Variants in PDGFD observed in about 807,000 individuals in gnomAD.
PDGFD encodes platelet-derived growth factor D.
PDGFD carries 30 observed loss-of-function variants against 44.7 expected under a neutral mutation model. The ratio of observed to expected loss-of-function variants is 0.67; its 90% CI spans 0.50 to 0.91. The LOEUF (loss-of-function observed/expected upper bound fraction) is 0.91, where lower values mean the gene tolerates loss of function less well. Among genes scored for constraint, PDGFD ranks in the 40% least tolerant of loss-of-function variants. The pLI, the probability that PDGFD is intolerant of heterozygous loss-of-function variation, is 0.00. For missense variants in PDGFD, 445 were observed against 457.8 expected, an observed-to-expected ratio of 0.97 and a Z score of 0.25; for synonymous variants, 173 against 168.4, an observed-to-expected ratio of 1.03 and a Z score of -0.21.
chr11:104,121,807 T>A (rs1436749828), intron 1 of PDGFD, among the ~76,000 whole-genome samples: 1 of 152,172 alleles, frequency 6.6e-6, no homozygotes, highest in Admixed American at 6.6e-5. Context: ...CATAATCATT[T>A]CAAACTTATT....
At chr11:103,966,175 T>C (rs1250170078) in intron 3 of PDGFD, among the ~76,000 whole-genome samples, 4 of 152,190 alleles carry the variant, frequency 2.6e-5, no homozygotes, top group Non-Finnish European at 5.9e-5. Flanking sequence ...TGATTAGTTA[T>C]GGAGGACAGA....
intron 1 of PDGFD, among the ~76,000 whole-genome samples, chr11:104,023,055 C>A (rs1176481616): frequency 2.0e-5 from 3 of 152,078 alleles, no homozygotes; most frequent in African/African-American, 7.2e-5. Context: ...TGTGGTAGCT[C>A]ACTTAATAAA....
chr11:103,960,209 A>G lies in PDGFD; in HGVS notation c.511-12485T>C, dbSNP rs114473927. Among the ~76,000 whole-genome samples, 555 of 152,338 alleles carry G rather than the reference A, an allele frequency of 3.6e-3. 4 individuals are homozygous for G. Among genetic ancestry groups the G allele is most frequent in the African/African-American group, 0.013 (523 of 41,584 alleles). ...CAAAGGTATTTTTGGTGCCAAAAAA[A>G]GGATAAACTGCATTCCAGAGTGAAA... On this transcript the variant is annotated intron_variant, in intron 3 of 6. Coordinates refer to ENST00000393158, the MANE Select transcript of PDGFD (RefSeq NM_025208.5).
chr11:104,069,845 G>A (rs981162500), intron 1 of PDGFD, among the ~76,000 whole-genome samples: 7 of 152,018 alleles, frequency 4.6e-5, no homozygotes, highest in Non-Finnish European at 1.0e-4. Context: ...GGGTGACAGA[G>A]CGAGACTCCG....
At chr11:104,107,057 T>C (rs1308045653) in intron 1 of PDGFD, among the ~76,000 whole-genome samples, 1 of 152,142 alleles carries the variant, frequency 6.6e-6, no homozygotes, top group Non-Finnish European at 1.5e-5. Flanking sequence ...TGCCCTCTTC[T>C]GAATGTAGGC....
intron 1 of PDGFD, among the ~76,000 whole-genome samples, chr11:104,028,191 G>GAAAAAA (rs36060540): frequency 3.4e-5 from 4 of 116,140 alleles, no homozygotes; most frequent in African/African-American, 3.3e-5. Context: ...CTCCGTCAAA[G>GAAAAAA]AAAAAAAAAA....
At chr11:103,974,354 T>A (rs1353159928) in intron 3 of PDGFD, among the ~76,000 whole-genome samples, 1 of 152,136 alleles carries the variant, frequency 6.6e-6, no homozygotes, top group African/African-American at 2.4e-5. Context: ...CCATGTGCAG[T>A]CACCTCCTAT....
intron 3 of PDGFD, among the ~76,000 whole-genome samples, chr11:103,984,458 G>C (rs1337658504): frequency 1.3e-5 from 2 of 151,408 alleles, no homozygotes; most frequent in African/African-American, 2.4e-5. Context: ...TAACTAATGG[G>C]TACTAGGCTT....
At chr11:103,949,586 A>C (rs1036118588) in intron 3 of PDGFD, among the ~76,000 whole-genome samples, 1 of 152,250 alleles carries the variant, frequency 6.6e-6, no homozygotes, top group Admixed American at 6.5e-5. Flanking sequence ...CTCACATTAC[A>C]GAATTTTCAT....
At chr11:104,077,245 T>C (rs749565710) in intron 1 of PDGFD, among the ~76,000 whole-genome samples, 2 of 152,102 alleles carry the variant, frequency 1.3e-5, no homozygotes, top group Non-Finnish European at 2.9e-5. Flanking sequence ...AATACCTCTG[T>C]AGACGACATG....
At chr11:104,118,916 A>G (rs1441631909) in intron 1 of PDGFD, among the ~76,000 whole-genome samples, 8 of 88,358 alleles carry the variant, frequency 9.1e-5, no homozygotes, top group African/African-American at 2.7e-4. Context: ...TATATTATAT[A>G]CATAATATAT....
intron 1 of PDGFD, among the ~76,000 whole-genome samples, chr11:104,092,879 T>C (rs1307424732): frequency 6.6e-6 from 1 of 152,180 alleles, no homozygotes; most frequent in Non-Finnish European, 1.5e-5. Flanking sequence ...CTCATATTTT[T>C]ATGATTGATC....
chr11:104,017,294 G>T (rs567250387), intron 1 of PDGFD, among the ~76,000 whole-genome samples: 1 of 152,080 alleles, frequency 6.6e-6, no homozygotes, highest in Non-Finnish European at 1.5e-5. Flanking sequence ...CAGCTTGAGC[G>T]GACTAAGGTA....
chr11:103,940,622 C>G (rs1338569886), intron 5 of PDGFD, among the ~76,000 whole-genome samples: 2 of 152,130 alleles, frequency 1.3e-5, no homozygotes, highest in Non-Finnish European at 2.9e-5. Context: ...TTTAAGTTCT[C>G]AAAGCAGAAA....
chr11:104,029,660 A>G (rs67576530), intron 1 of PDGFD, among the ~76,000 whole-genome samples: 10,961 of 152,290 alleles, frequency 0.072, 513 homozygotes, highest in Middle Eastern at 0.14. Context: ...CTGACCCAAA[A>G]TGTCACCATA....
chr11:104,102,503 T>G (rs1307181555), intron 1 of PDGFD, among the ~76,000 whole-genome samples: 1 of 152,178 alleles, frequency 6.6e-6, no homozygotes, highest in African/African-American at 2.4e-5. Context: ...GTTCAACCAT[T>G]GTGGAAGTCA....
At chr11:104,043,363 G>A (rs1591136201) in intron 1 of PDGFD, among the ~76,000 whole-genome samples, 1 of 152,136 alleles carries the variant, frequency 6.6e-6, no homozygotes, top group South Asian at 2.1e-4. Context: ...ATTTATCACC[G>A]CCTAGAAGAT....
intron 1 of PDGFD, among the ~76,000 whole-genome samples, chr11:104,024,182 C>T (rs749068425): frequency 6.6e-5 from 10 of 151,622 alleles, no homozygotes; most frequent in African/African-American, 2.2e-4. Flanking sequence ...GTTTTTATCT[C>T]GGGTTATAAA....
intron 1 of PDGFD, chr11:104,038,140 G>T (rs1427921069): frequency 9.9e-6 from 9 of 912,992 alleles, no homozygotes; most frequent in South Asian, 1.8e-5. Context: ...TTGGGACTAC[G>T]TTCTCAGATG....
Sources: gnomAD v4.1 joint callset for allele counts (sites outside exome capture counted in the v4.1 genomes callset) on GRCh38, gnomAD v4.1.1 for gene constraint, MANE v1.5 for transcripts, NCBI Gene and HGNC (gene_info 2026-07-23, HGNC 2026-07-21) for gene names.